ANKRD30A: variants seen among roughly 807,000 people sequenced by gnomAD.
ANKRD30A encodes the protein ankyrin repeat domain-containing protein 30A.
A neutral mutation model predicts 166.3 loss-of-function variants in ANKRD30A; 170 were observed. That is an observed-to-expected ratio of 1.02 (90% confidence interval 0.90 to 1.16). The LOEUF (loss-of-function observed/expected upper bound fraction) is 1.16, where lower values mean the gene tolerates loss of function less well. Ranked by LOEUF, ANKRD30A falls within the 50% of genes most tolerant of loss-of-function variation. The pLI, the probability that ANKRD30A is intolerant of heterozygous loss-of-function variation, is 0.00. For missense variants in ANKRD30A, 1,630 were observed against 1,518.0 expected (o/e 1.07, Z -1.23); for synonymous variants, 564 against 508.9 (o/e 1.11, Z -1.46).
chr10:37,256,294 TC>T, the ANKRD30A span, among the ~76,000 whole-genome samples: 1 of 152,200 alleles, frequency 6.6e-6, no homozygotes, highest in East Asian at 1.9e-4. Flanking sequence ...TCTCACTCTG[TC>T]ACCAAGGCTG....
intron 6 of ANKRD30A, 101 bp downstream of exon 6, chr10:37,136,772 T>C (rs1231094221): frequency 1.8e-5 from 10 of 570,164 alleles, no homozygotes; most frequent in South Asian, 8.9e-5. Context: ...GTAAATAGCA[T>C]GTGTTTACAT....
At chr10:37,228,559 A>G (rs1843265461) in intron 34 of ANKRD30A, among the ~76,000 whole-genome samples, 1 of 151,990 alleles carries the variant, frequency 6.6e-6, no homozygotes, top group Admixed American at 6.6e-5. Flanking sequence ...GTTAAACCAA[A>G]TATTTTTAAT....
At chr10:37,248,941 G>T in the ANKRD30A span, among the ~76,000 whole-genome samples, 2 of 152,146 alleles carry the variant, frequency 1.3e-5, no homozygotes, top group Non-Finnish European at 2.9e-5. Context: ...GAGCACAGCT[G>T]CATGGCCATG....
chr10:37,213,166 A>C (rs1842425535), intron 31 of ANKRD30A, among the ~76,000 whole-genome samples: 1 of 151,830 alleles, frequency 6.6e-6, no homozygotes, highest in Admixed American at 6.6e-5. Flanking sequence ...TATTATTTAA[A>C]AAATCTGTAG....
chr10:37,203,189 G>A (rs1841764220), intron 31 of ANKRD30A, among the ~76,000 whole-genome samples: 1 of 152,024 alleles, frequency 6.6e-6, no homozygotes, highest in East Asian at 1.9e-4. Context: ...CAAAAAAACA[G>A]AATTTTAGAC....
chr10:37,149,740 A>G (rs1326866157), intron 10 of ANKRD30A, 37 bp from the exon 11 acceptor site: 1 of 1,612,812 alleles, frequency 6.2e-7, no homozygotes, highest in African/African-American at 1.3e-5. Context: ...TGAAGTATAC[A>G]TTCTTTATTA....
At position 37,162,497 on chromosome 10, in the gene ANKRD30A, T is replaced by A. The variant is rs1173623302; in HGVS notation, c.1901-152T>A. On this transcript the variant is annotated intron_variant, in intron 15 of 35. Transcript: ENST00000361713. Reference sequence around the variant, plus strand: ...TCAGTGTATTCTTGTCGTGTGTGTGTCCTAAACAAACCAAAAGAAAACTTT... The same window carrying A: ...TCAGTGTATTCTTGTCGTGTGTGTGACCTAAACAAACCAAAAGAAAACTTT... 9.2e-6 allele frequency: 9 copies of A among 978,684 alleles called. No individual in the cohort carries two copies. In the South Asian group the frequency reaches 1.3e-4, roughly 14 times the overall value. The allele number at this position is 978,684 out of a possible 1,614,324, so 60.6% of individuals were successfully genotyped here. A position where few individuals can be genotyped will look rare whatever the true frequency, so the allele number is the denominator to read the frequency against.
chr10:37,156,994 A>G (rs923461725), intron 13 of ANKRD30A, among the ~76,000 whole-genome samples: 3 of 152,188 alleles, frequency 2.0e-5, no homozygotes, highest in Non-Finnish European at 4.4e-5. Flanking sequence ...TTGATCAATG[A>G]TCTCTCAAGG....
rs1449351758 is a variant in ANKRD30A, at chr10:37,218,989, A to C, written c.3277A>C (p.Thr1093Pro). 6.3e-7 allele frequency: 1 copy of C among 1,580,426 alleles called. No individual in the cohort carries two copies. The highest frequency in any genetic ancestry group is 2.2e-5 in the East Asian group (1 of 44,448). ...ATTTTGTTTTATTTAGGTTTCTCACACTCATGAAAATGAAAATTATCTCTT... is the reference window on the plus strand; with the variant it reads ...ATTTTGTTTTATTTAGGTTTCTCACCCTCATGAAAATGAAAATTATCTCTT... ...VESNLNQVSH[T>P]HENENYLLHE... Residue 1093 changes from threonine (T) to proline (P), a missense_variant, in exon 34 of 36, where the codon ACT (threonine) becomes CCT (proline). This residue lies in a region of ANKRD30A where 712 missense variants were observed against 629.3 expected (regional missense o/e 1.13). Coordinates refer to ENST00000361713, the MANE Select transcript of ANKRD30A (RefSeq NM_052997.3).
intron 18 of ANKRD30A, among the ~76,000 whole-genome samples, chr10:37,166,105 A>G (rs1390323580): frequency 6.6e-6 from 1 of 152,150 alleles, no homozygotes; most frequent in Non-Finnish European, 1.5e-5. Flanking sequence ...CAGCTTTTTC[A>G]AATTCTGTAC....
the ANKRD30A span, chr10:37,262,049 T>C: frequency 6.6e-6 from 1 of 152,578 alleles, no homozygotes; most frequent in Middle Eastern, 3.4e-3. Context: ...AAAATGTATT[T>C]GATAGATCCT....
At chr10:37,248,726 A>G in the ANKRD30A span, among the ~76,000 whole-genome samples, 1 of 151,794 alleles carries the variant, frequency 6.6e-6, no homozygotes, top group Non-Finnish European at 1.5e-5. Context: ...GAAACAGAGA[A>G]TCAGCAAAGA....
At chr10:37,136,781 A>G (rs1307740724) in intron 6 of ANKRD30A, 110 bp downstream of exon 6, 21 of 486,130 alleles carry the variant, frequency 4.3e-5, no homozygotes, top group Admixed American at 3.4e-4. Flanking sequence ...ATGTGTTTAC[A>G]TATATACATA....
At chr10:37,197,609 T>C in intron 29 of ANKRD30A, 129 bp downstream of exon 29, 2 of 1,383,956 alleles carry the variant, frequency 1.4e-6, no homozygotes, top group East Asian at 2.4e-5. Flanking sequence ...ATGCCAATAC[T>C]GGTATTGATG....
intron 34 of ANKRD30A, 76 bp downstream of exon 34, chr10:37,219,973 T>G: frequency 2.3e-6 from 2 of 872,782 alleles, no homozygotes; most frequent in Non-Finnish European, 3.1e-6. Context: ...CTTGGCTAAA[T>G]GCTGAATCTA....
intron 31 of ANKRD30A, among the ~76,000 whole-genome samples, chr10:37,212,277 A>G (rs2132722786): frequency 6.6e-6 from 1 of 152,188 alleles, no homozygotes; most frequent in East Asian, 1.9e-4. Context: ...CAATTGCTTC[A>G]AAGAGAGTAA....
intron 16 of ANKRD30A, 25 bp from the exon 17 acceptor site, chr10:37,162,751 T>C: frequency 6.2e-7 from 1 of 1,613,636 alleles, no homozygotes; most frequent in Non-Finnish European, 8.5e-7. Context: ...TCTTTATTAA[T>C]CATTTTGCTT....
In ANKRD30A at chr10:37,149,580, A is replaced by G. The variant is rs556742059; in HGVS notation, c.1544-71A>G. The stretch of plus-strand genomic sequence containing the variant: ...GACCAAGAGGAATCAGTTACATACT[A>G]TGACTGCATTCATTTGGTTGGCATT... On this transcript the variant is annotated intron_variant, in intron 9 of 35. Coordinates refer to ENST00000361713, the MANE Select transcript of ANKRD30A (RefSeq NM_052997.3). The G allele has an allele frequency of 7.4e-5, 112 of 1,518,914 alleles. No homozygotes were observed. In the South Asian group the frequency reaches 1.2e-3, roughly 16 times the overall value. The allele number at this position is 1,518,914 out of a possible 1,614,324, so 94.1% of individuals were successfully genotyped here.
rs1835951309 is a variant in ANKRD30A, at chr10:37,125,683, G to A, written c.-105G>A. On this transcript the variant is annotated 5_prime_UTR_variant, in exon 1 of 36. In the 5' UTR this introduces an upstream ATG that the reference lacks. Transcript: ENST00000361713. ...AGAACTTTTTACGGGTATCGAGGCG[G>A]TGCGTGGACTGAAGAAGGGCGAGGG... 1 of 498,266 alleles carries A rather than the reference G, an allele frequency of 2.0e-6. No homozygotes were observed. Among genetic ancestry groups the A allele is most frequent in the Admixed American group, 3.2e-5 (1 of 30,956 alleles). The allele number at this position is 498,266 out of a possible 1,614,324, so 30.9% of individuals were successfully genotyped here. A position where few individuals can be genotyped will look rare whatever the true frequency, so the allele number is the denominator to read the frequency against.
Sources: allele counts gnomAD v4.1 joint callset (sites outside exome capture counted in the v4.1 genomes callset), GRCh38; gene constraint gnomAD v4.1.1; regional missense constraint gnomAD v4.1.1; transcripts MANE v1.5; gene names NCBI Gene and HGNC (gene_info 2026-07-23, HGNC 2026-07-21).